The following ZBTB7C variants were observed in gnomAD, a reference collection of about 807,000 sequenced individuals.
ZBTB7C encodes the protein zinc finger and BTB domain containing 7C, also known as zinc finger and BTB domain-containing protein 7C.
ZBTB7C carries 8 observed loss-of-function variants against 25.7 expected under a neutral mutation model. The observed-to-expected ratio is 0.31, with a 90% CI of 0.18 to 0.56. The LOEUF (loss-of-function observed/expected upper bound fraction) is 0.56. Ranked by LOEUF, ZBTB7C falls within the 20% of genes least tolerant of loss-of-function variation. ZBTB7C has a pLI of 0.91. For missense variants in ZBTB7C, 824 were observed against 855.2 expected (o/e 0.96, Z 0.46); for synonymous variants, 394 against 369.0 (o/e 1.07, Z -0.78).
chr18:48,305,434 G>T lies in ZBTB7C; in HGVS notation c.-79+32740C>A, dbSNP rs527863431. Among the ~76,000 whole-genome samples the T allele has an allele frequency of 3.3e-5, 5 of 152,286 alleles. No individual in the cohort carries two copies. In the East Asian group the frequency reaches 9.6e-4, roughly 29 times the overall value. On this transcript the variant is annotated intron_variant, in intron 2 of 4. Coordinates refer to ENST00000590800, the MANE Select transcript of ZBTB7C (RefSeq NM_001318841.2). ...CGGGCAAGCTAAAGTTCTATCCTGG[G>T]AAATACTGCCCAGACCGTAGCTTTA... is the stretch of plus-strand genomic sequence containing the variant.
intron 2 of ZBTB7C, among the ~76,000 whole-genome samples, chr18:48,286,843 G>A (rs982322334): frequency 1.3e-5 from 2 of 152,096 alleles, no homozygotes; most frequent in Non-Finnish European, 2.9e-5. Context: ...CTTGAGCTCA[G>A]GAGTTTGAGA....
intron 2 of ZBTB7C, among the ~76,000 whole-genome samples, chr18:48,207,140 C>G (rs556497789): frequency 9.8e-5 from 15 of 152,302 alleles, no homozygotes; most frequent in Admixed American, 8.5e-4. Context: ...ACTGAAGCAA[C>G]CAGAATGGCT....
At chr18:48,097,511 T>C (rs2038682020) in intron 3 of ZBTB7C, among the ~76,000 whole-genome samples, 1 of 152,100 alleles carries the variant, frequency 6.6e-6, no homozygotes, top group Non-Finnish European at 1.5e-5. Context: ...ATTCTCCTGC[T>C]CCAGCCTCCT....
At chr18:48,238,892 G>A (rs540523626) in intron 2 of ZBTB7C, among the ~76,000 whole-genome samples, 20 of 152,232 alleles carry the variant, frequency 1.3e-4, no homozygotes, top group Non-Finnish European at 2.4e-4. Context: ...CCTTGTAGCC[G>A]GGGGCAAGAT....
intron 3 of ZBTB7C, among the ~76,000 whole-genome samples, chr18:48,046,871 AC>A (rs1431854852): frequency 6.6e-6 from 1 of 152,230 alleles, no homozygotes; most frequent in Non-Finnish European, 1.5e-5. Flanking sequence ...TAACATCATG[AC>A]CATGAGGAGC....
intron 2 of ZBTB7C, among the ~76,000 whole-genome samples, chr18:48,223,175 G>A (rs897921634): frequency 1.3e-5 from 2 of 152,180 alleles, no homozygotes; most frequent in Non-Finnish European, 2.9e-5. Context: ...AGAGGTAGTG[G>A]GAGATGGGCA....
At chr18:48,136,962 C>T (rs1380886082) in intron 3 of ZBTB7C, 30 of 983,702 alleles carry the variant, frequency 3.0e-5, no homozygotes, top group Non-Finnish European at 3.6e-5. Flanking sequence ...CTCCCCAGAG[C>T]CCCGATCCTA....
chr18:48,274,384 A>G (rs567627788), intron 2 of ZBTB7C, among the ~76,000 whole-genome samples: 88 of 152,254 alleles, frequency 5.8e-4, no homozygotes, highest in African/African-American at 2.0e-3. Flanking sequence ...ACAGCAAGTT[A>G]GGGTCAAAGG....
At chr18:48,402,950 C>T (rs961638392) in intron 1 of ZBTB7C, among the ~76,000 whole-genome samples, 2 of 152,188 alleles carry the variant, frequency 1.3e-5, no homozygotes, top group African/African-American at 4.8e-5. Flanking sequence ...TTTACAGGCA[C>T]CAGTTCAGTG....
chr18:48,030,006 C>T (rs1418539247), intron 4 of ZBTB7C, 95 bp from the exon 5 acceptor site: 3 of 1,539,410 alleles, frequency 1.9e-6, no homozygotes, highest in African/African-American at 1.4e-5. Context: ...GCCGAGGCTC[C>T]CTACTGCCAT....
chr18:48,257,077 T>C (rs1432295333), intron 2 of ZBTB7C, among the ~76,000 whole-genome samples: 1 of 151,948 alleles, frequency 6.6e-6, no homozygotes, highest in African/African-American at 2.4e-5. Flanking sequence ...TTAGATTGGA[T>C]ATAAAGGAAG....
chr18:48,133,603 T>G (rs1444188880), intron 3 of ZBTB7C, among the ~76,000 whole-genome samples: 2 of 79,688 alleles, frequency 2.5e-5, no homozygotes, highest in Non-Finnish European at 4.4e-5. Context: ...CCCACGCTAT[T>G]TTTTTTTTTT....
intron 1 of ZBTB7C, among the ~76,000 whole-genome samples, chr18:48,393,551 T>C (rs1340665181): frequency 6.6e-6 from 1 of 152,132 alleles, no homozygotes; most frequent in East Asian, 1.9e-4. Flanking sequence ...TGTCTTAATA[T>C]AAAGATTTCA....
At chr18:48,402,460 C>T (rs540119487) in intron 1 of ZBTB7C, among the ~76,000 whole-genome samples, 46 of 152,246 alleles carry the variant, frequency 3.0e-4, no homozygotes, top group African/African-American at 1.1e-3. Flanking sequence ...CTGATGGAGA[C>T]AGGTGAGCAT....
chr18:48,228,368 C>T (rs1441068676), intron 2 of ZBTB7C, among the ~76,000 whole-genome samples: 4 of 152,282 alleles, frequency 2.6e-5, no homozygotes, highest in African/African-American at 7.2e-5. Flanking sequence ...CCCAAGCCTG[C>T]CTCTGGCCAG....
chr18:48,252,606 C>G (rs1359980504), intron 2 of ZBTB7C: 1 of 152,406 alleles, frequency 6.6e-6, no homozygotes, highest in Non-Finnish European at 1.5e-5. Context: ...GCATTTGCAC[C>G]TGCCCCCCTT....
chr18:48,031,807 A>G (rs1488110831), intron 4 of ZBTB7C, among the ~76,000 whole-genome samples: 6 of 152,230 alleles, frequency 3.9e-5, no homozygotes, highest in Non-Finnish European at 7.3e-5. Flanking sequence ...GGAACTTGCC[A>G]AACTCACCCA....
chr18:48,127,686 C>T lies in ZBTB7C; in HGVS notation c.-17+58248G>A, dbSNP rs1334685035. 1.3e-5 allele frequency among the ~76,000 whole-genome samples: 2 copies of T among 152,212 alleles called. 1 individual carries two copies. The highest frequency in any genetic ancestry group is 2.9e-5 in the Non-Finnish European group (2 of 68,040). ...ACTCGACCTTTCATCCCAGCGTGGG[C>T]TTTGGGGTTGGCCGACGCTCAGCTC... On this transcript the variant is annotated intron_variant, in intron 3 of 4. Coordinates refer to ENST00000590800, the MANE Select transcript of ZBTB7C (RefSeq NM_001318841.2).
At chr18:48,107,695 C>A (rs944803372) in intron 3 of ZBTB7C, among the ~76,000 whole-genome samples, 2 of 152,146 alleles carry the variant, frequency 1.3e-5, no homozygotes, top group African/African-American at 4.8e-5. Flanking sequence ...TCCCAGACAA[C>A]ACATGGGAAC....
Sources: gnomAD v4.1 joint callset for allele counts (sites outside exome capture counted in the v4.1 genomes callset) on GRCh38, gnomAD v4.1.1 for gene constraint, MANE v1.5 for transcripts, NCBI Gene and HGNC (gene_info 2026-07-23, HGNC 2026-07-21) for gene names.